Variants in UBE2L5 observed in about 807,000 individuals in gnomAD.
UBE2L5 encodes ubiquitin-conjugating enzyme E2 L5.
In UBE2L5, 3 loss-of-function variants were observed where a neutral mutation model predicts 10.0. That is an observed-to-expected ratio of 0.30 (90% CI 0.14 to 0.78). The LOEUF is 0.78. Among genes scored for constraint, UBE2L5 ranks in the 30% least tolerant of loss-of-function variants. The pLI, the probability that UBE2L5 is intolerant of heterozygous loss-of-function variation, is 0.65. For missense variants in UBE2L5, 131 were observed against 193.3 expected (o/e 0.68, Z 1.91); for synonymous variants, 60 against 71.9 (o/e 0.83, Z 0.83).
chr13:30,424,499 G>A (rs1378183416), intron 1 of UBE2L5, among the ~76,000 whole-genome samples: 1 of 152,066 alleles, frequency 6.6e-6, no homozygotes, highest in African/African-American at 2.4e-5. Context: ...CTAAGGTGCC[G>A]TGAGATGTAG....
rs558338401 is a variant in UBE2L5 at position 30,426,302 on chromosome 13, ACTC to A, written c.-684-416_-684-414del. On this transcript the variant is annotated intron_variant, in intron 2 of 3. Transcript: ENST00000635918. ...CTCTAGCTTGGGAGACAAGAGTGAA[ACTC>A]CTCCTCAAAAAAAACAAAAAAGAAA... 2.7e-3 allele frequency among the ~76,000 whole-genome samples: 411 copies of A among 151,940 alleles called. 2 individuals carry two copies. Among genetic ancestry groups the A allele is most frequent in the Non-Finnish European group, 4.2e-3 (287 of 67,976 alleles).
In UBE2L5 at chr13:30,427,802, TAAAA is replaced by T; in HGVS notation, c.-178_-175del. On this transcript the variant is annotated 5_prime_UTR_variant, in exon 4 of 4. It removes the in-frame stop codon of an upstream open reading frame in the 5' UTR. Transcript: ENST00000635918. ...CTGGGCAACAGAGAGAGACTCTGGC[TAAAA>T]AAAAAAAAAATTATAATGTATAGGA... The T allele has an allele frequency of 2.0e-6, 1 of 490,506 alleles. No homozygotes were observed. Among genetic ancestry groups the T allele is most frequent in the South Asian group, 2.8e-5 (1 of 35,130 alleles). The allele number at this position is 490,506 out of a possible 1,614,324, so 30.4% of individuals were successfully genotyped here.
At chr13:30,423,704 T>A (rs1885499419) in intron 1 of UBE2L5, among the ~76,000 whole-genome samples, 1 of 152,184 alleles carries the variant, frequency 6.6e-6, no homozygotes, top group African/African-American at 2.4e-5. Flanking sequence ...GGTGGGAAGG[T>A]AGGGTAATAG....
rs1885552360 is a variant in UBE2L5 at position 30,427,442 on chromosome 13, A to G, written c.-549A>G. ...CTCACTTTGTGCTGTGAAATGCAAG[A>G]TGAGCAATCTGATCTGGACATACCA... On this transcript the variant is annotated 5_prime_UTR_variant, in exon 4 of 4. An upstream start codon of the reference 5' UTR is lost. Transcript: ENST00000635918. 2 of 152,364 alleles carry G rather than the reference A, an allele frequency of 1.3e-5. No homozygotes were observed. The highest frequency in any genetic ancestry group is 2.9e-5 in the Non-Finnish European group (2 of 68,136). 9.4% of individuals were successfully genotyped at this position (152,364 alleles called of 1,614,324 possible).
Position 30,428,165 on chromosome 13 carries a change from G to A in UBE2L5, c.175G>A (p.Ala59Thr), listed in dbSNP as rs1241265862. The change falls in exon 4 of 4, where the codon GCA (alanine) becomes ACA (threonine). Residue 59 changes from alanine (A) to threonine (T), a missense_variant. Physicochemically the swap from Ala to Thr is moderately conservative, Grantham distance 58 (BLOSUM62 0). Transcript: ENST00000635918. The part of the protein sequence containing the change: ...GAFRIEINFP[A>T]EYPFKPPRIT... The stretch of plus-strand genomic sequence containing the variant: ...CTTCAGAATCGAAATCAACTTTCCA[G>A]CAGAGTACCCATTCAAACCACCGAG... 6.2e-7 allele frequency: 1 copy of A among 1,606,722 alleles called. No homozygotes were observed. The highest frequency in any genetic ancestry group is 1.3e-5 in the African/African-American group (1 of 74,730).
chr13:30,425,066 C>A (rs1052184375), intron 2 of UBE2L5, among the ~76,000 whole-genome samples, 165 bp downstream of exon 2: 1 of 152,158 alleles, frequency 6.6e-6, no homozygotes, highest in Non-Finnish European at 1.5e-5. Context: ...TTCTTGGATA[C>A]CTGCGTTACA....
Position 30,428,033 on chromosome 13 carries a change from C to T in UBE2L5, c.43C>T (p.Arg15Cys). Reference sequence around the variant, plus strand: ...GCTGATGAAGGAGCTTGAAGAAATCCGCAAATGTGGAATGGAAAACTTCCG... The same window carrying T: ...GCTGATGAAGGAGCTTGAAGAAATCTGCAAATGTGGAATGGAAAACTTCCG... ...RRLMKELEEI[R>C]KCGMENFRNI... The change falls in exon 4 of 4, where the codon CGC becomes TGC. Residue 15 changes from arginine to cysteine, a missense_variant. Arg to Cys is a radical substitution (Grantham distance 180, BLOSUM62 -3). Coordinates refer to ENST00000635918, the MANE Select transcript of UBE2L5 (RefSeq NM_001355247.2). The T allele has an allele frequency of 3.1e-6, 5 of 1,608,608 alleles. No homozygotes were observed. The Admixed American group carries it at 5.0e-5, about 16-fold the overall frequency.
At chr13:30,423,754 C>T (rs1885500243) in intron 1 of UBE2L5, among the ~76,000 whole-genome samples, 1 of 152,208 alleles carries the variant, frequency 6.6e-6, no homozygotes, top group African/African-American at 2.4e-5. Context: ...GGCCTTCAGG[C>T]CACATCTGAT....
chr13:30,425,928 C>G (rs548218317), intron 2 of UBE2L5, among the ~76,000 whole-genome samples: 1 of 152,134 alleles, frequency 6.6e-6, no homozygotes, highest in East Asian at 1.9e-4. Flanking sequence ...GCAGGAGAAT[C>G]GCTTGAACCT....
In UBE2L5 at chr13:30,429,308, T is replaced by C. The variant is rs1395173429; in HGVS notation, c.*853T>C. Among the ~76,000 whole-genome samples, 1 of 151,534 alleles carries C rather than the reference T, an allele frequency of 6.6e-6. No homozygotes were observed. The highest frequency in any genetic ancestry group is 1.5e-5 in the Non-Finnish European group (1 of 67,964). On this transcript the variant is annotated 3_prime_UTR_variant, in exon 4 of 4. Coordinates refer to ENST00000635918, the MANE Select transcript of UBE2L5 (RefSeq NM_001355247.2). ...CCCCCCCCCACAAAAAAAAATTGATTGAAATACCTGGAATTCACACCATAA... is the reference window on the plus strand; with the variant it reads ...CCCCCCCCCACAAAAAAAAATTGATCGAAATACCTGGAATTCACACCATAA...
intron 1 of UBE2L5, among the ~76,000 whole-genome samples, chr13:30,423,143 C>CAGAG (rs10658052): frequency 0.97 from 147,016 of 152,168 alleles, 71,221 homozygotes; most frequent in East Asian, 1. Flanking sequence ...GCATGTGTGT[C>CAGAG]AGAGACAGAC....
rs1426825834 is a variant in UBE2L5, at chr13:30,428,631, A to G, written c.*176A>G. 3.0e-6 allele frequency: 2 copies of G among 658,072 alleles called. No individual in the cohort carries two copies. The highest frequency in any genetic ancestry group is 6.2e-5 in the East Asian group (2 of 32,416). 40.8% of individuals were successfully genotyped at this position (658,072 alleles called of 1,614,324 possible). ...TAAAAGTGGTCTAGGTAACCTGTAA[A>G]GAAAGGATTAAAAATTTAAGATGTT... On this transcript the variant is annotated 3_prime_UTR_variant, in exon 4 of 4. Transcript: ENST00000635918.
chr13:30,426,384 T>C (rs9579572), intron 2 of UBE2L5, among the ~76,000 whole-genome samples: 2,196 of 152,096 alleles, frequency 0.014, 23 homozygotes, highest in Middle Eastern at 0.027. Flanking sequence ...GGAGGGGGAA[T>C]GTATGGAGCA....
rs1032445269 is a variant in UBE2L5, at chr13:30,428,987, C to T, written c.*532C>T. Among the ~76,000 whole-genome samples the T allele has an allele frequency of 6.6e-6, 1 of 151,340 alleles. No individual in the cohort carries two copies. Among genetic ancestry groups the T allele is most frequent in the African/African-American group, 2.4e-5 (1 of 41,196 alleles). On this transcript the variant is annotated 3_prime_UTR_variant, in exon 4 of 4. Coordinates refer to ENST00000635918, the MANE Select transcript of UBE2L5 (RefSeq NM_001355247.2). ...ACTGACATTTAGATTGAAATACCTG[C>T]GAGCCGGGTTTGGTGGCTCACACCT...
chr13:30,427,946 C>A lies in UBE2L5; in HGVS notation c.-45C>A. The A allele has an allele frequency of 8.2e-7, 1 of 1,222,036 alleles. No individual in the cohort carries two copies. The highest frequency in any genetic ancestry group is 1.2e-6 in the Non-Finnish European group (1 of 829,430). The allele number at this position is 1,222,036 out of a possible 1,614,324, so 75.7% of individuals were successfully genotyped here. A position where few individuals can be genotyped will look rare whatever the true frequency, so the allele number is the denominator to read the frequency against. ...TACATACACAACCATTAAAAGTGGC[C>A]GTTACCACGATGCATTCTGGGAAAG... On this transcript the variant is annotated 5_prime_UTR_variant, in exon 4 of 4. Transcript: ENST00000635918.
At chr13:30,425,571 T>A (rs918104753) in intron 2 of UBE2L5, among the ~76,000 whole-genome samples, 2 of 152,356 alleles carry the variant, frequency 1.3e-5, no homozygotes, top group South Asian at 4.1e-4. Context: ...CGCCATGCAT[T>A]CTCATGCCAT....
rs1202406258 is a variant in UBE2L5, at chr13:30,429,357, G to A, written c.*902G>A. On this transcript the variant is annotated 3_prime_UTR_variant, in exon 4 of 4. Coordinates refer to ENST00000635918, the MANE Select transcript of UBE2L5 (RefSeq NM_001355247.2). ...AATTGGGGTGTCTTTAGGCTGAAAT[G>A]GAGACAACAGAAGGTGAGGTGGCTT... 6.6e-5 allele frequency among the ~76,000 whole-genome samples: 10 copies of A among 152,172 alleles called. No individual in the cohort carries two copies. The South Asian group carries it at 2.1e-3, about 32-fold the overall frequency.
rs988267756 is a variant in UBE2L5 at position 30,426,779 on chromosome 13, G to T, written c.-631+1G>T. 6.6e-6 allele frequency: 1 copy of T among 152,140 alleles called. No homozygotes were observed. The highest frequency in any genetic ancestry group is 6.5e-5 in the Admixed American group (1 of 15,280). The allele number at this position is 152,140 out of a possible 1,614,324, so 9.4% of individuals were successfully genotyped here. ...AAAATTCAGAAGCTTCCACAACAAG[G>T]TAACTTTTAAAAATGCAACCTGTAT... On this transcript the variant is annotated splice_donor_variant, in intron 3 of 3. Coordinates refer to ENST00000635918, the MANE Select transcript of UBE2L5 (RefSeq NM_001355247.2). LOFTEE classifies it low-confidence loss of function (5UTR_SPLICE).
intron 1 of UBE2L5, among the ~76,000 whole-genome samples, chr13:30,423,718 G>T (rs1037623524): frequency 6.6e-6 from 1 of 152,234 alleles, no homozygotes; most frequent in African/African-American, 2.4e-5. Context: ...GTAATAGAAA[G>T]ATGCAATTCC....
Sources: allele counts gnomAD v4.1 joint callset (sites outside exome capture counted in the v4.1 genomes callset), GRCh38; gene constraint gnomAD v4.1.1; transcripts MANE v1.5; gene names NCBI Gene and HGNC (gene_info 2026-07-23, HGNC 2026-07-21).